Variants in NAV1 observed in about 807,000 individuals in gnomAD.
The protein encoded by NAV1 is pore membrane and/or filament interacting like protein 3.
Under a neutral mutation model 175.2 loss-of-function variants are expected in NAV1, and 18 were observed. That is an observed-to-expected ratio of 0.10 (90% CI 0.07 to 0.15). NAV1 has a LOEUF of 0.15. Ranked by LOEUF, NAV1 falls within the 10% of genes least tolerant of loss-of-function variation. The pLI, the probability that NAV1 is intolerant of heterozygous loss-of-function variation, is 1.00. For synonymous variants in NAV1, 897 were observed against 978.7 expected, an observed-to-expected ratio of 0.92 and a Z score of 1.56; for missense variants, 1,731 against 2,436.6, an observed-to-expected ratio of 0.71 and a Z score of 6.10.
chr1:201,540,368 G>T (rs181684775), intron 1 of NAV1, among the ~76,000 whole-genome samples: 34 of 152,294 alleles, frequency 2.2e-4, no homozygotes, highest in African/African-American at 6.7e-4. Flanking sequence ...GATACCATTG[G>T]CTCGTTCAAA....
chr1:201,592,386 T>A (rs1667225426), intron 2 of NAV1, among the ~76,000 whole-genome samples: 1 of 152,062 alleles, frequency 6.6e-6, no homozygotes, highest in Non-Finnish European at 1.5e-5. Flanking sequence ...CAGAACTCCA[T>A]CACCCACAGG....
intron 2 of NAV1, among the ~76,000 whole-genome samples, chr1:201,642,557 T>TTTCTTTCTTTCTTCCTCTTTC (rs1571858664): frequency 9.4e-6 from 1 of 106,018 alleles, no homozygotes; most frequent in Non-Finnish European, 1.9e-5. Flanking sequence ...TTCTTTCTTT[T>TTTCTTTCTTTCTTCCTCTTTC]TTCCCTTTCT....
chr1:201,650,502 C>A (rs947473065), intron 1 of NAV1, among the ~76,000 whole-genome samples: 3 of 152,180 alleles, frequency 2.0e-5, no homozygotes, highest in African/African-American at 4.8e-5. Flanking sequence ...CCCGAGCTTC[C>A]TGGGTACCCG....
intron 1 of NAV1, among the ~76,000 whole-genome samples, chr1:201,668,718 G>A (rs1462542757): frequency 3.3e-5 from 5 of 152,148 alleles, no homozygotes; most frequent in Non-Finnish European, 2.9e-5. Context: ...AATTGACACT[G>A]GTTCCTAGTC....
rs1001588017 is a variant in NAV1, at chr1:201,794,671, A to G, written c.3517+94A>G. 9.8e-6 allele frequency: 11 copies of G among 1,121,208 alleles called. No homozygotes were observed. The East Asian group carries it at 2.0e-4, about 20-fold the overall frequency. The allele number at this position is 1,121,208 out of a possible 1,614,324, so 69.5% of individuals were successfully genotyped here. A position where few individuals can be genotyped will look rare whatever the true frequency, so the allele number is the denominator to read the frequency against. On this transcript the variant is annotated intron_variant, in intron 15 of 29. Coordinates refer to ENST00000367296, the Ensembl canonical transcript of NAV1. ...CTGGGCCCATAGTATTCCAAGTCCTATATCAAGTCTCTAGAAGGTGAGGGC... is the reference window on the plus strand; with the variant it reads ...CTGGGCCCATAGTATTCCAAGTCCTGTATCAAGTCTCTAGAAGGTGAGGGC...
chr1:201,798,342 A>C (rs1164175065), intron 15 of NAV1: 6 of 152,212 alleles, frequency 3.9e-5, no homozygotes, highest in Admixed American at 3.9e-4. Context: ...ATATCAGTTA[A>C]GATCAGAAAT....
At chr1:201,627,589 T>C (rs997710075) in intron 1 of NAV1, among the ~76,000 whole-genome samples, 1 of 144,836 alleles carries the variant, frequency 6.9e-6, no homozygotes, top group Non-Finnish European at 1.5e-5. Flanking sequence ...CCTATTCTTA[T>C]TTTTAACACT....
Position 201,575,799 on chromosome 1 carries a change from G to A in NAV1, c.-143-12740G>A, listed in dbSNP as rs139886374. Among the ~76,000 whole-genome samples, 592 of 152,290 alleles carry A rather than the reference G, an allele frequency of 3.9e-3. 6 individuals carry two copies. Among genetic ancestry groups the A allele is most frequent in the African/African-American group, 0.013 (544 of 41,560 alleles). On this transcript the variant is annotated intron_variant, in intron 1 of 33. Coordinates refer to the NAV1 transcript ENST00000685211. ...GGAAGGGACAAATTATGAAGAGAGA[G>A]AGACTGTAGGCTAGAGCATTTATTT...
At position 201,817,198 on chromosome 1, in the gene NAV1, C is replaced by T. The variant is rs138297838; in HGVS notation, c.5451C>T (p.Pro1817=). The stretch of plus-strand genomic sequence containing the variant: ...CAAAGCTGTACCACCTGCCCCCACC[C>T]ACCGTGGGCCCTCACAGCATTGCCT... The change falls in exon 29 of 30, where the codon CCC becomes CCT. Residue 1817 remains proline, a synonymous_variant. Transcript: ENST00000367296. 266 of 1,614,164 alleles carry T rather than the reference C, an allele frequency of 1.6e-4. 2 individuals are homozygous for T. The African/African-American group carries it at 3.0e-3, about 18-fold the overall frequency.
chr1:201,780,583 A>G (rs753516310), intron 4 of NAV1, 24 bp downstream of exon 8: 9 of 1,613,964 alleles, frequency 5.6e-6, no homozygotes, highest in South Asian at 5.5e-5. Context: ...CAAACACCCA[A>G]GCTGCCATCT....
At chr1:201,816,655 T>C (rs569745919) in intron 28 of NAV1, among the ~76,000 whole-genome samples, 7 of 149,818 alleles carry the variant, frequency 4.7e-5, no homozygotes, top group Admixed American at 4.7e-4. Flanking sequence ...CCTCGAGGAT[T>C]TACATTTGAG....
intron 2 of NAV1, among the ~76,000 whole-genome samples, chr1:201,642,252 G>C (rs546016846): frequency 7.2e-6 from 1 of 138,058 alleles, no homozygotes; most frequent in Non-Finnish European, 1.5e-5. Context: ...TTGGTCTGTC[G>C]CCCAGGCTGG....
At chr1:201,764,688 G>T (rs764527905) in intron 3 of NAV1, among the ~76,000 whole-genome samples, 5 of 152,140 alleles carry the variant, frequency 3.3e-5, no homozygotes, top group African/African-American at 1.2e-4. Flanking sequence ...AATCAAGAAA[G>T]CAATGCCTAA....
chr1:201,667,192 G>A (rs2102369301), intron 1 of NAV1, among the ~76,000 whole-genome samples: 1 of 152,322 alleles, frequency 6.6e-6, no homozygotes, highest in East Asian at 1.9e-4. Context: ...AACTTGCTAA[G>A]GATCACCTGG....
intron 2 of NAV1, among the ~76,000 whole-genome samples, chr1:201,715,126 C>T (rs1049802869): frequency 2.6e-5 from 4 of 151,166 alleles, no homozygotes; most frequent in Non-Finnish European, 4.4e-5. Flanking sequence ...CTGTTCCACA[C>T]TGGTAGCCAA....
At chr1:201,676,978 G>A (rs957375683) in intron 1 of NAV1, among the ~76,000 whole-genome samples, 1 of 152,134 alleles carries the variant, frequency 6.6e-6, no homozygotes, top group African/African-American at 2.4e-5. Context: ...CTGGTTGGGC[G>A]CGGTGGCTCA....
Position 201,807,587 on chromosome 1 carries a change from G to A in NAV1, c.3649-366G>A, listed in dbSNP as rs1678377602. Among the ~76,000 whole-genome samples the A allele has an allele frequency of 1.3e-5, 2 of 152,198 alleles. No homozygotes were observed. Among genetic ancestry groups the A allele is most frequent in the Admixed American group, 1.3e-4 (2 of 15,288 alleles). On this transcript the variant is annotated intron_variant, in intron 17 of 29. Transcript: ENST00000367296. The surrounding 1 kb of genome is among the most constrained non-coding windows in gnomAD (Gnocchi z 5.4). ...CCATCAGGGGCACAATTCCCCCTAT[G>A]AGCAAGAGAACACCCAGGAAGTTCC...
intron 8 of NAV1, 145 bp from the exon 13 acceptor site, chr1:201,786,284 T>C (rs2102728425): frequency 1.3e-6 from 1 of 779,704 alleles, no homozygotes; most frequent in Non-Finnish European, 2.0e-6. Flanking sequence ...TACTCCCTCC[T>C]TGGGCAGCCC....
chr1:201,715,936 C>G (rs1317496710), intron 2 of NAV1, among the ~76,000 whole-genome samples: 1 of 151,964 alleles, frequency 6.6e-6, no homozygotes, highest in Non-Finnish European at 1.5e-5. Flanking sequence ...GGCTGGAATT[C>G]AAGAACTGAG....
Sources: allele counts gnomAD v4.1 joint callset (sites outside exome capture counted in the v4.1 genomes callset), GRCh38; gene constraint gnomAD v4.1.1; non-coding constraint Gnocchi (gnomAD v3.1); transcripts MANE v1.5; gene names NCBI Gene and HGNC (gene_info 2026-07-23, HGNC 2026-07-21).